CNTNAP2: variants seen among roughly 807,000 people sequenced by gnomAD.
The protein encoded by CNTNAP2 is contactin associated protein 2, also known as contactin-associated protein-like 2.
CNTNAP2 carries 98 observed loss-of-function variants against 155.2 expected under a neutral mutation model. The observed-to-expected ratio is 0.63, with a 90% CI of 0.54 to 0.75. The LOEUF is 0.75. Among genes scored for constraint, CNTNAP2 ranks in the 30% least tolerant of loss-of-function variants. The probability of loss-of-function intolerance (pLI) is 0.00; values close to 1 mark genes in which losing one functional copy is unlikely to be tolerated. For synonymous variants in CNTNAP2, 651 were observed against 631.2 expected (o/e 1.03, Z -0.47); for missense variants, 1,727 against 1,688.1 (o/e 1.02, Z -0.40).
chr7:147,868,684 A>T (rs1000112211), intron 13 of CNTNAP2, among the ~76,000 whole-genome samples: 6 of 152,128 alleles, frequency 3.9e-5, no homozygotes, highest in Non-Finnish European at 8.8e-5. Context: ...AATGGTGGAC[A>T]CCCCACCCAC....
intron 15 of CNTNAP2, among the ~76,000 whole-genome samples, chr7:148,027,194 A>G (rs1802391481): frequency 6.6e-6 from 1 of 152,216 alleles, no homozygotes; most frequent in Non-Finnish European, 1.5e-5. Context: ...AAAACAGCCT[A>G]AATAAGTACT....
At chr7:146,464,159 T>C (rs1313829633) in intron 1 of CNTNAP2, among the ~76,000 whole-genome samples, 5 of 151,794 alleles carry the variant, frequency 3.3e-5, no homozygotes, top group Non-Finnish European at 7.4e-5. Context: ...AATACTTTTA[T>C]TTTGCTCAAT....
chr7:146,128,961 A>C (rs1363996241), intron 1 of CNTNAP2, among the ~76,000 whole-genome samples: 3 of 152,184 alleles, frequency 2.0e-5, no homozygotes, highest in African/African-American at 7.2e-5. Context: ...CTGTTGTTTA[A>C]AAGTAATAGG....
intron 10 of CNTNAP2, among the ~76,000 whole-genome samples, chr7:147,458,155 G>C (rs1223468142): frequency 6.6e-6 from 1 of 151,950 alleles, no homozygotes; most frequent in Non-Finnish European, 1.5e-5. Flanking sequence ...AGCATTTCAG[G>C]TTACTATGTG....
intron 13 of CNTNAP2, among the ~76,000 whole-genome samples, chr7:147,684,179 A>G (rs1468771053): frequency 6.6e-6 from 1 of 151,868 alleles, no homozygotes. Context: ...CTGAAATACT[A>G]ACAAAGTTTG....
intron 1 of CNTNAP2, among the ~76,000 whole-genome samples, chr7:146,715,348 C>A (rs771515794): frequency 6.6e-6 from 1 of 152,038 alleles, no homozygotes; most frequent in Non-Finnish European, 1.5e-5. Context: ...AACAAACAAA[C>A]AAAACTCTAT....
chr7:146,508,261 T>C (rs1797414648), intron 1 of CNTNAP2, among the ~76,000 whole-genome samples: 1 of 152,228 alleles, frequency 6.6e-6, no homozygotes, highest in Non-Finnish European at 1.5e-5. Context: ...GGGCCAGTGA[T>C]ACGTATGTCC....
chr7:147,772,733 G>A (rs1309031672), intron 13 of CNTNAP2, among the ~76,000 whole-genome samples: 2 of 151,892 alleles, frequency 1.3e-5, no homozygotes, highest in Non-Finnish European at 2.9e-5. Context: ...CTGGACTCTA[G>A]CCTTGCACTG....
At chr7:147,961,397 T>C (rs1189019550) in intron 14 of CNTNAP2, among the ~76,000 whole-genome samples, 1 of 152,170 alleles carries the variant, frequency 6.6e-6, no homozygotes, top group Non-Finnish European at 1.5e-5. Flanking sequence ...TTAACAAATA[T>C]GCAGAGCAAC....
At chr7:147,400,258 G>C (rs1047441971) in intron 10 of CNTNAP2, among the ~76,000 whole-genome samples, 3 of 152,068 alleles carry the variant, frequency 2.0e-5, no homozygotes, top group African/African-American at 7.2e-5. Context: ...GGGGTGCTTG[G>C]GGAGGGACGG....
intron 10 of CNTNAP2, among the ~76,000 whole-genome samples, chr7:147,424,967 C>G (rs1392088704): frequency 6.6e-6 from 1 of 152,046 alleles, no homozygotes; most frequent in Non-Finnish European, 1.5e-5. Flanking sequence ...ACTTCTAGGC[C>G]ACCTGTTGGA....
chr7:148,173,072 A>G (rs1167750621), intron 18 of CNTNAP2, among the ~76,000 whole-genome samples: 1 of 152,246 alleles, frequency 6.6e-6, no homozygotes, highest in Non-Finnish European at 1.5e-5. Flanking sequence ...AGCTTAGAGC[A>G]TCTGTTATTA....
chr7:146,361,772 T>C (rs974612764), intron 1 of CNTNAP2, among the ~76,000 whole-genome samples: 2 of 150,108 alleles, frequency 1.3e-5, no homozygotes, highest in Middle Eastern at 3.5e-3. Flanking sequence ...GATTAGCCTA[T>C]TGAAGACATA....
At chr7:146,821,593 A>G (rs988419319) in intron 2 of CNTNAP2, among the ~76,000 whole-genome samples, 2 of 152,190 alleles carry the variant, frequency 1.3e-5, no homozygotes, top group African/African-American at 4.8e-5. Flanking sequence ...GCTAATATCC[A>G]GAATCTACAA....
At chr7:148,368,273 T>C (rs1205233663) in intron 21 of CNTNAP2, among the ~76,000 whole-genome samples, 2 of 152,000 alleles carry the variant, frequency 1.3e-5, no homozygotes, top group Non-Finnish European at 2.9e-5. Flanking sequence ...GGGGTGGGGG[T>C]TGCTGGCGGC....
At chr7:147,249,066 C>T (rs911052027) in intron 8 of CNTNAP2, among the ~76,000 whole-genome samples, 6 of 152,116 alleles carry the variant, frequency 3.9e-5, no homozygotes, top group Non-Finnish European at 8.8e-5. Context: ...GAAATTTGTA[C>T]CCAACCTAAT....
intron 11 of CNTNAP2, among the ~76,000 whole-genome samples, chr7:147,507,134 G>A (rs2116680873): frequency 6.6e-6 from 1 of 152,134 alleles, no homozygotes; most frequent in Middle Eastern, 3.4e-3. Flanking sequence ...GGTTTCCCAG[G>A]ACTGCACACT....
At chr7:147,702,066 T>G (rs899937875) in intron 13 of CNTNAP2, among the ~76,000 whole-genome samples, 13 of 150,996 alleles carry the variant, frequency 8.6e-5, no homozygotes, top group Non-Finnish European at 1.5e-4. Flanking sequence ...TTTTTTTTTT[T>G]TTTTTTTTTT....
At chr7:146,514,904 A>T (rs936244196) in intron 1 of CNTNAP2, among the ~76,000 whole-genome samples, 2 of 152,008 alleles carry the variant, frequency 1.3e-5, no homozygotes. Flanking sequence ...TCTTAACTTT[A>T]GATTGTGGCC....
Sources: gnomAD v4.1 joint callset for allele counts (sites outside exome capture counted in the v4.1 genomes callset) on GRCh38, gnomAD v4.1.1 for gene constraint, MANE v1.5 for transcripts, NCBI Gene and HGNC (gene_info 2026-07-23, HGNC 2026-07-21) for gene names.